The following NEK1 variants were observed in gnomAD, a reference collection of about 807,000 sequenced individuals.
NEK1 encodes the protein NIMA related kinase 1.
A neutral mutation model predicts 182.1 loss-of-function variants in NEK1; 137 were observed. That is an observed-to-expected ratio of 0.75 (90% confidence interval 0.65 to 0.87). The LOEUF (loss-of-function observed/expected upper bound fraction) is 0.87, where lower values mean the gene tolerates loss of function less well. NEK1 is among the 40% of genes least tolerant of loss of function. The probability of loss-of-function intolerance (pLI) is 0.00; values close to 1 mark genes in which losing one functional copy is unlikely to be tolerated. For missense variants in NEK1, 1,391 were observed against 1,494.4 expected (o/e 0.93, Z 1.14); for synonymous variants, 513 against 492.2 (o/e 1.04, Z -0.56).
chr4:169,399,403 C>A lies in NEK1; in HGVS notation c.3847+822G>T, dbSNP rs112573240. On this transcript the variant is annotated intron_variant, in intron 35 of 35. Coordinates refer to ENST00000507142, the MANE Select transcript of NEK1 (RefSeq NM_001199397.3). ...ACCAGCCTGGCCAACATGGTGAAAC[C>A]CTGTCTCTACTAAAAATACAAAAAG... 3.3e-5 allele frequency among the ~76,000 whole-genome samples: 5 copies of A among 151,898 alleles called. No homozygotes were observed. In the East Asian group the frequency reaches 7.8e-4, roughly 24 times the overall value.
chr4:169,404,280 CAAAAGT>C (rs1216437430), intron 32 of NEK1, among the ~76,000 whole-genome samples: 3 of 151,730 alleles, frequency 2.0e-5, no homozygotes, highest in Non-Finnish European at 2.9e-5. Context: ...GTAGAAGAAA[CAAAAGT>C]AAAAAGGTAA....
intron 10 of NEK1, among the ~76,000 whole-genome samples, chr4:169,584,792 A>C (rs1767254453): frequency 6.6e-6 from 1 of 152,178 alleles, no homozygotes; most frequent in Admixed American, 6.5e-5. Flanking sequence ...ACAGGTGAGG[A>C]GAGTGAAGCA....
chr4:169,462,557 C>T (rs1180269384), intron 27 of NEK1, among the ~76,000 whole-genome samples: 3 of 151,922 alleles, frequency 2.0e-5, no homozygotes, highest in African/African-American at 7.3e-5. Context: ...GTTATTTTTC[C>T]ACCAGCTCTG....
At chr4:169,587,752 T>C (rs1036223620) in intron 8 of NEK1, 139 bp from the exon 9 acceptor site, 1 of 471,640 alleles carries the variant, frequency 2.1e-6, no homozygotes, top group Non-Finnish European at 3.8e-6. Context: ...ATTTCAACCA[T>C]AATCAAATGA....
Position 169,585,371 on chromosome 4 carries a change from A to G in NEK1, c.785T>C (p.Ile262Thr), listed in dbSNP as rs538414812. 6.2e-7 allele frequency: 1 copy of G among 1,613,302 alleles called. No homozygotes were observed. The highest frequency in any genetic ancestry group is 2.2e-5 in the East Asian group (1 of 44,846). The change falls in exon 10 of 36, where the codon ATT (isoleucine) becomes ACT (threonine). Residue 262 changes from isoleucine (I) to threonine (T), a missense_variant. Coordinates refer to ENST00000507142, the MANE Select transcript of NEK1 (RefSeq NM_001199397.3). Reference protein sequence around the residue: ...ILEKGFIAKRIEKFLSPQLIA... With the variant: ...ILEKGFIAKRTEKFLSPQLIA... ...TACCTGAGGAGAGAGAAACTTTTCA[A>G]TGCGTTTGGCTATAAAACCTTTCTC...
intron 29 of NEK1, among the ~76,000 whole-genome samples, chr4:169,428,937 C>G (rs562737880): frequency 8.7e-4 from 132 of 152,098 alleles, no homozygotes; most frequent in Non-Finnish European, 1.6e-3. Context: ...AAAGAGTCCC[C>G]TTTATTCTTT....
At position 169,393,498 on chromosome 4, in the gene NEK1, C is replaced by G. The variant is rs1423859149; in HGVS notation, c.*1012G>C. On this transcript the variant is annotated 3_prime_UTR_variant, in exon 36 of 36. Transcript: ENST00000507142. Reference sequence around the variant, plus strand: ...GCTTTTATTACGAAGAACATCTGGACTGTAGACACCTCTAACGAAACCAGG... The same window carrying G: ...GCTTTTATTACGAAGAACATCTGGAGTGTAGACACCTCTAACGAAACCAGG... The G allele has an allele frequency of 1.3e-5, 2 of 152,154 alleles. No homozygotes were observed. The highest frequency in any genetic ancestry group is 4.8e-5 in the African/African-American group (2 of 41,442). 9.4% of individuals were successfully genotyped at this position (152,154 alleles called of 1,614,324 possible). A position where few individuals can be genotyped will look rare whatever the true frequency, so the allele number is the denominator to read the frequency against.
chr4:169,414,879 T>C (rs1734270460), intron 31 of NEK1, among the ~76,000 whole-genome samples: 1 of 152,234 alleles, frequency 6.6e-6, no homozygotes, highest in South Asian at 2.1e-4. Context: ...AAAGTTTTCA[T>C]GAAGAAGTTC....
chr4:169,586,590 A>C (rs954137764), intron 9 of NEK1, among the ~76,000 whole-genome samples: 1 of 152,020 alleles, frequency 6.6e-6, no homozygotes, highest in African/African-American at 2.4e-5. Context: ...TTTTTTAAAA[A>C]CCCACAAACC....
At chr4:169,564,429 T>C (rs1034555823) in intron 12 of NEK1, among the ~76,000 whole-genome samples, 4 of 152,146 alleles carry the variant, frequency 2.6e-5, no homozygotes, top group Non-Finnish European at 5.9e-5. Flanking sequence ...ACATAAGTCA[T>C]TGATATAAAA....
chr4:169,511,559 G>A (rs1192203796), intron 19 of NEK1, among the ~76,000 whole-genome samples: 2 of 152,106 alleles, frequency 1.3e-5, no homozygotes, highest in Non-Finnish European at 2.9e-5. Flanking sequence ...GGGAGGTCCT[G>A]TGTGCCCCTT....
At chr4:169,454,593 G>C (rs1386759955) in intron 27 of NEK1, among the ~76,000 whole-genome samples, 1 of 152,156 alleles carries the variant, frequency 6.6e-6, no homozygotes, top group Non-Finnish European at 1.5e-5. Flanking sequence ...CATCATCACT[G>C]ATCATTAGAG....
Position 169,401,730 on chromosome 4 carries a change from T to G in NEK1, c.3505A>C (p.Thr1169Pro). 1 of 1,614,000 alleles carries G rather than the reference T, an allele frequency of 6.2e-7. No homozygotes were observed. Among genetic ancestry groups the G allele is most frequent in the Non-Finnish European group, 8.5e-7 (1 of 1,179,846 alleles). ...SVLKNSDVEP[T>P]ANGTDVADED... ...TCTGCCACATCTGTCCCATTTGCAG[T>G]TGGCTCCACATCACTGTTCTTCAAG... The change falls in exon 33 of 36, where the codon ACT becomes CCT. Residue 1169 changes from threonine to proline, a missense_variant. Thr to Pro is a conservative substitution (Grantham distance 38). This residue lies in a region of NEK1 where 1,216 missense variants were observed against 1,277.6 expected (regional missense o/e 0.95). Coordinates refer to ENST00000507142, the MANE Select transcript of NEK1 (RefSeq NM_001199397.3).
intron 18 of NEK1, among the ~76,000 whole-genome samples, chr4:169,539,410 G>T (rs1759035297): frequency 6.6e-6 from 1 of 152,084 alleles, no homozygotes; most frequent in Non-Finnish European, 1.5e-5. Flanking sequence ...CTTCAAATGT[G>T]ATGCTCTGAC....
At chr4:169,608,059 C>A (rs536830925) in intron 2 of NEK1, among the ~76,000 whole-genome samples, 306 of 151,628 alleles carry the variant, frequency 2.0e-3, no homozygotes, top group Non-Finnish European at 2.3e-3. Flanking sequence ...AAAACATAAG[C>A]TTTGGGGCTG....
chr4:169,421,125 T>C (rs1252352602), intron 31 of NEK1, among the ~76,000 whole-genome samples: 2 of 152,194 alleles, frequency 1.3e-5, no homozygotes, highest in East Asian at 3.8e-4. Context: ...ATTCATTTCA[T>C]GGTGACAAAG....
intron 24 of NEK1, among the ~76,000 whole-genome samples, chr4:169,477,873 A>G (rs942633759): frequency 1.3e-5 from 2 of 152,082 alleles, no homozygotes; most frequent in Non-Finnish European, 1.5e-5. Flanking sequence ...TCTCTTAATT[A>G]TAACTAGAAA....
At chr4:169,549,965 G>T (rs536732622) in intron 18 of NEK1, among the ~76,000 whole-genome samples, 2 of 152,198 alleles carry the variant, frequency 1.3e-5, no homozygotes, top group East Asian at 3.9e-4. Context: ...CAAGTGATCT[G>T]CCCACCTTGA....
At position 169,424,624 on chromosome 4, in the gene NEK1, G is replaced by A; in HGVS notation, c.3151C>T (p.Pro1051Ser). Reference sequence around the variant, plus strand: ...AAGGAATTCTTGTTTTTATTTTTTGGTGGTAAATGCGAGTGAGATCGAAAT... The same window carrying A: ...AAGGAATTCTTGTTTTTATTTTTTGATGGTAAATGCGAGTGAGATCGAAAT... Reference protein sequence around the residue: ...FAFRSHSHLPPKNKNKNSLLI... With the variant: ...FAFRSHSHLPSKNKNKNSLLI... Residue 1051 changes from proline (P) to serine (S), a missense_variant, in exon 31 of 36, where the codon CCA (proline) becomes TCA (serine). By Grantham distance (74) the Pro-to-Ser change is moderately conservative. Around this residue, in one of 5 missense-constraint regions of NEK1, gnomAD observed 1,216 missense variants for 1,277.6 expected, o/e 0.95. Transcript: ENST00000507142. 4.3e-6 allele frequency: 7 copies of A among 1,612,508 alleles called. No homozygotes were observed. Among genetic ancestry groups the A allele is most frequent in the Non-Finnish European group, 5.9e-6 (7 of 1,179,144 alleles).
Sources: gnomAD v4.1 joint callset for allele counts (sites outside exome capture counted in the v4.1 genomes callset) on GRCh38, gnomAD v4.1.1 for gene constraint, gnomAD v4.1.1 regional missense constraint, MANE v1.5 for transcripts, NCBI Gene and HGNC (gene_info 2026-07-23, HGNC 2026-07-21) for gene names.